Variants in CDH23 observed in about 807,000 individuals in gnomAD.
CDH23 encodes cadherin related 23, also known as cadherin-23.
Under a neutral mutation model 317.1 loss-of-function variants are expected in CDH23, and 189 were observed. That is an observed-to-expected ratio of 0.60 (90% CI 0.53 to 0.67). The LOEUF is 0.67. CDH23 is among the 30% of genes least tolerant of loss of function. The pLI is 0.00. For synonymous variants in CDH23, 1,839 were observed against 1,876.8 expected (o/e 0.98, Z 0.52); for missense variants, 4,401 against 4,592.4 (o/e 0.96, Z 1.20).
intron 3 of CDH23, among the ~76,000 whole-genome samples, chr10:71,504,221 C>T (rs866135957): frequency 3.3e-5 from 5 of 152,232 alleles, no homozygotes; most frequent in Middle Eastern, 3.4e-3. Flanking sequence ...CTGCCCTTCC[C>T]GACCCCTGGC....
intron 38 of CDH23, among the ~76,000 whole-genome samples, chr10:71,769,676 T>C (rs1564785238): frequency 6.6e-6 from 1 of 152,114 alleles, no homozygotes; most frequent in Non-Finnish European, 1.5e-5. Flanking sequence ...TGTGTTCCCA[T>C]GATGAGTGAA....
chr10:71,524,245 G>T (rs939160072), intron 6 of CDH23, among the ~76,000 whole-genome samples: 2 of 152,218 alleles, frequency 1.3e-5, no homozygotes, highest in African/African-American at 2.4e-5. Context: ...GACCCTCAGG[G>T]CCTGGCGCAC....
At chr10:71,811,081 CAAAAAAAAAA>C (rs35466313) in intron 62 of CDH23, among the ~76,000 whole-genome samples, 4 of 67,040 alleles carry the variant, frequency 6.0e-5, no homozygotes, top group Admixed American at 1.8e-4. Context: ...GACTCCATCT[CAAAAAAAAAA>C]AAAAAAAAAA....
chr10:71,535,181 G>A (rs930485792), intron 6 of CDH23, among the ~76,000 whole-genome samples: 3 of 152,250 alleles, frequency 2.0e-5, no homozygotes, highest in Non-Finnish European at 4.4e-5. Context: ...CTGAAGGAAG[G>A]GCAGACTGGT....
intron 38 of CDH23, among the ~76,000 whole-genome samples, chr10:71,759,818 T>C (rs1840250861): frequency 2.0e-5 from 1 of 50,790 alleles, no homozygotes; most frequent in African/African-American, 7.5e-5. Context: ...TTTCAGAAAA[T>C]ATACACACAC....
chr10:71,556,585 C>CA (rs61508146), intron 6 of CDH23, among the ~76,000 whole-genome samples: 2,384 of 121,668 alleles, frequency 0.02, 41 homozygotes, highest in Middle Eastern at 0.079. Context: ...GACTCGGTCT[C>CA]AAAAAAAAAA....
chr10:71,459,325 C>A (rs1015856129), intron 3 of CDH23, among the ~76,000 whole-genome samples: 2 of 152,028 alleles, frequency 1.3e-5, no homozygotes, highest in African/African-American at 4.8e-5. Context: ...GAATCCTGAG[C>A]GCAAGCAGTC....
At chr10:71,639,795 T>C (rs952558542) in intron 11 of CDH23, among the ~76,000 whole-genome samples, 3 of 152,184 alleles carry the variant, frequency 2.0e-5, no homozygotes, top group African/African-American at 4.8e-5. Context: ...AGCACAGGAC[T>C]GCGATCAGTA....
intron 14 of CDH23, among the ~76,000 whole-genome samples, chr10:71,670,290 T>C (rs1864090902): frequency 6.6e-6 from 1 of 152,232 alleles, no homozygotes; most frequent in Non-Finnish European, 1.5e-5. Context: ...AAGGTTATGC[T>C]GGCCCTCCGT....
At chr10:71,521,976 G>A (rs1357253390) in intron 6 of CDH23, among the ~76,000 whole-genome samples, 4 of 152,156 alleles carry the variant, frequency 2.6e-5, no homozygotes, top group Non-Finnish European at 5.9e-5. Flanking sequence ...AGTCTTGGGC[G>A]AGTCGTCTCA....
intron 11 of CDH23, among the ~76,000 whole-genome samples, chr10:71,634,289 C>T (rs1323362520): frequency 6.6e-6 from 1 of 152,238 alleles, no homozygotes; most frequent in African/African-American, 2.4e-5. Context: ...CAGTCCTGGG[C>T]TTGGGACAGG....
At chr10:71,762,121 C>A in intron 38 of CDH23, 1 of 1,377,088 alleles carries the variant, frequency 7.3e-7, no homozygotes, top group Non-Finnish European at 9.6e-7. Flanking sequence ...TGCTACTTCC[C>A]AGCCACAGGC....
intron 18 of CDH23, among the ~76,000 whole-genome samples, chr10:71,687,077 G>A (rs1431487838): frequency 1.3e-5 from 2 of 152,168 alleles, no homozygotes; most frequent in Non-Finnish European, 2.9e-5. Context: ...GGTGGCCCAG[G>A]GGCTGGAAGA....
At chr10:71,577,529 G>A (rs10999894) in intron 8 of CDH23, among the ~76,000 whole-genome samples, 21,688 of 152,228 alleles carry the variant, frequency 0.14, 2,154 homozygotes, top group East Asian at 0.51. Context: ...TGGAGGGAAA[G>A]TGAGGCCAGA....
chr10:71,609,951 CGTGTGTGT>C (rs34311857), intron 9 of CDH23, among the ~76,000 whole-genome samples: 148 of 142,866 alleles, frequency 1.0e-3, no homozygotes, highest in Admixed American at 4.9e-3. Context: ...AGGACTCCCC[CGTGTGTGT>C]GTGTGTGTGT....
At chr10:71,688,398 G>T (rs1024616976) in intron 19 of CDH23, among the ~76,000 whole-genome samples, 3 of 152,272 alleles carry the variant, frequency 2.0e-5, no homozygotes, top group African/African-American at 4.8e-5. Flanking sequence ...CATGGATAGT[G>T]GAGTCAGGGA....
chr10:71,544,778 TC>T (rs1431767517), intron 6 of CDH23, among the ~76,000 whole-genome samples: 1 of 152,240 alleles, frequency 6.6e-6, no homozygotes, highest in African/African-American at 2.4e-5. Context: ...AAGATAGTGC[TC>T]CGTTTTCTAA....
Position 71,577,941 on chromosome 10 carries a change from A to C in CDH23, c.781A>C (p.Ile261Leu), listed in dbSNP as rs876657757. ...PGTTVRIITA[I>L]DQDKGRPRGI... ...CACGACGGTGCGCATCATCACCGCC[A>C]TAGACCAGGATAAAGGACGTCCCCG... The change falls in exon 9 of 70, where the codon ATA becomes CTA. Residue 261 changes from isoleucine (I) to leucine (L), a missense_variant. By Grantham distance (5) the Ile-to-Leu change is conservative. This residue lies in a region of CDH23 where 3,068 missense variants were observed against 3,203.3 expected (regional missense o/e 0.96). Coordinates refer to ENST00000224721, the MANE Select transcript of CDH23 (RefSeq NM_022124.6). The C allele has an allele frequency of 1.2e-6, 2 of 1,605,390 alleles. No individual in the cohort carries two copies. Among genetic ancestry groups the C allele is most frequent in the Non-Finnish European group, 1.7e-6 (2 of 1,176,130 alleles).
chr10:71,397,124 TGCGAGCGGCGAGCGGCGAGCG>T lies in CDH23; in HGVS notation c.-190_-170del. 5.7e-6 allele frequency: 1 copy of T among 175,622 alleles called. No individual in the cohort carries two copies. The highest frequency in any genetic ancestry group is 1.2e-5 in the Non-Finnish European group (1 of 84,972). The allele number at this position is 175,622 out of a possible 1,614,324, so 10.9% of individuals were successfully genotyped here. On this transcript the variant is annotated 5_prime_UTR_variant, in exon 1 of 70. Coordinates refer to ENST00000224721, the MANE Select transcript of CDH23 (RefSeq NM_022124.6). The surrounding 1 kb of genome is among the most constrained non-coding windows in gnomAD (Gnocchi z 4.8). ...TCCGAGCCCCCGGCGCGCCTGAAGTTGCGAGCGGCGAGCGGCGAGCGGCGAGCGGCCCGCGGAGACCCAGGA... is the reference window on the plus strand; with the variant it reads ...TCCGAGCCCCCGGCGCGCCTGAAGTTGCGAGCGGCCCGCGGAGACCCAGGA...
Sources: allele counts gnomAD v4.1 joint callset (sites outside exome capture counted in the v4.1 genomes callset), GRCh38; gene constraint gnomAD v4.1.1; regional missense constraint gnomAD v4.1.1; non-coding constraint Gnocchi (gnomAD v3.1); transcripts MANE v1.5; gene names NCBI Gene and HGNC (gene_info 2026-07-23, HGNC 2026-07-21).